The following ROBO2 variants were observed in gnomAD, a reference collection of about 807,000 sequenced individuals.
ROBO2 encodes roundabout guidance receptor 2.
ROBO2 carries 53 observed loss-of-function variants against 160.8 expected under a neutral mutation model. The observed-to-expected ratio is 0.33, with a 90% CI of 0.26 to 0.41. The LOEUF is 0.41. ROBO2 is among the 10% of genes least tolerant of loss of function. The pLI, the probability that ROBO2 is intolerant of heterozygous loss-of-function variation, is 1.00. For synonymous variants in ROBO2, 664 were observed against 611.7 expected (o/e 1.09, Z -1.26); for missense variants, 1,577 against 1,722.4 (o/e 0.92, Z 1.49).
At chr3:76,485,278 A>G (rs370494737) in intron 2 of ROBO2, among the ~76,000 whole-genome samples, 1 of 151,910 alleles carries the variant, frequency 6.6e-6, no homozygotes, top group Non-Finnish European at 1.5e-5. Context: ...ATCATCAGGC[A>G]CTAGATTCTC....
chr3:76,871,474 A>G (rs944237959), intron 2 of ROBO2, among the ~76,000 whole-genome samples: 2 of 149,916 alleles, frequency 1.3e-5, no homozygotes, highest in Non-Finnish European at 3.0e-5. Flanking sequence ...GAATGGCGTG[A>G]ACCCGGGAGG....
At chr3:77,156,176 C>T (rs2077992580) in intron 2 of ROBO2, among the ~76,000 whole-genome samples, 1 of 151,984 alleles carries the variant, frequency 6.6e-6, no homozygotes, top group African/African-American at 2.4e-5. Flanking sequence ...CACCATTCTC[C>T]TTCTCCTTTC....
intron 2 of ROBO2, among the ~76,000 whole-genome samples, chr3:77,207,833 A>G (rs1273300665): frequency 2.0e-5 from 3 of 152,212 alleles, no homozygotes; most frequent in African/African-American, 4.8e-5. Context: ...AGTGAAGTCT[A>G]TTAATGATAT....
intron 2 of ROBO2, among the ~76,000 whole-genome samples, chr3:76,187,953 T>C (rs1464671115): frequency 6.6e-6 from 1 of 152,108 alleles, no homozygotes. Context: ...CCGAATAATA[T>C]GGACACTACA....
At chr3:77,253,382 A>T (rs1472270388) in intron 2 of ROBO2, among the ~76,000 whole-genome samples, 1 of 152,234 alleles carries the variant, frequency 6.6e-6, no homozygotes, top group Non-Finnish European at 1.5e-5. Flanking sequence ...CTAGAGAAAA[A>T]TGACTTCTCA....
intron 2 of ROBO2, among the ~76,000 whole-genome samples, chr3:76,451,489 A>G (rs1559968587): frequency 6.6e-6 from 1 of 152,184 alleles, no homozygotes. Context: ...TTATTACTAT[A>G]GAAGATTTCT....
At chr3:76,680,695 TG>T (rs1457181238) in intron 2 of ROBO2, among the ~76,000 whole-genome samples, 6 of 152,136 alleles carry the variant, frequency 3.9e-5, no homozygotes, top group Admixed American at 3.9e-4. Context: ...TTAGAAATAT[TG>T]TTGTCAAATA....
At chr3:76,814,487 A>G (rs910533303) in intron 2 of ROBO2, among the ~76,000 whole-genome samples, 1 of 152,150 alleles carries the variant, frequency 6.6e-6, no homozygotes, top group Non-Finnish European at 1.5e-5. Context: ...AATTTCTGTG[A>G]TAAGTTAAAA....
At chr3:76,802,478 C>T (rs2064284052) in intron 2 of ROBO2, among the ~76,000 whole-genome samples, 1 of 151,840 alleles carries the variant, frequency 6.6e-6, no homozygotes, top group African/African-American at 2.4e-5. Context: ...CCTGTGATCC[C>T]AGCACTTTGG....
At chr3:76,328,715 C>G (rs1029036537) in intron 2 of ROBO2, among the ~76,000 whole-genome samples, 5 of 151,800 alleles carry the variant, frequency 3.3e-5, no homozygotes, top group Non-Finnish European at 7.4e-5. Context: ...AAAAAATTAG[C>G]TGGGCGTGGT....
intron 1 of ROBO2, among the ~76,000 whole-genome samples, chr3:77,083,560 C>T (rs1020108510): frequency 7.2e-5 from 11 of 151,912 alleles, no homozygotes; most frequent in African/African-American, 2.7e-4. Context: ...AAGAGAGAAA[C>T]GATGAGGCAT....
intron 2 of ROBO2, among the ~76,000 whole-genome samples, chr3:77,408,096 CA>C (rs200992126): frequency 1.1e-3 from 154 of 134,064 alleles, no homozygotes; most frequent in South Asian, 2.4e-3. Flanking sequence ...AGAACAAAAA[CA>C]AAAAAAAAAA....
intron 2 of ROBO2, among the ~76,000 whole-genome samples, chr3:76,806,871 G>T (rs1307127782): frequency 6.6e-6 from 1 of 151,858 alleles, no homozygotes; most frequent in South Asian, 2.1e-4. Flanking sequence ...TTCCTTTATT[G>T]TCTTAGTATC....
intron 2 of ROBO2, among the ~76,000 whole-genome samples, chr3:76,367,096 T>C (rs999271117): frequency 3.3e-5 from 5 of 152,178 alleles, no homozygotes; most frequent in Admixed American, 3.3e-4. Flanking sequence ...CCTTTTAATG[T>C]CAAAATAACT....
chr3:76,688,737 T>G lies in ROBO2; in HGVS notation c.110-409277T>G, dbSNP rs189183242. 2.8e-3 allele frequency among the ~76,000 whole-genome samples: 425 copies of G among 152,166 alleles called. 2 individuals are homozygous for G. The highest frequency in any genetic ancestry group is 9.4e-3 in the African/African-American group (391 of 41,550). Reference sequence around the variant, plus strand: ...CCTGTGAATGAGCTGTTTCACTCCTTGTAATCATCTTTCTCATTGATTATT... The same window carrying G: ...CCTGTGAATGAGCTGTTTCACTCCTGGTAATCATCTTTCTCATTGATTATT... On this transcript the variant is annotated intron_variant, in intron 2 of 26. Coordinates refer to the ROBO2 transcript ENST00000487694.
chr3:76,911,532 A>G (rs1301884725), intron 2 of ROBO2, among the ~76,000 whole-genome samples: 1 of 152,200 alleles, frequency 6.6e-6, no homozygotes, highest in Non-Finnish European at 1.5e-5. Context: ...AATAGGCTAG[A>G]TGAGGACAAC....
chr3:77,548,053 G>T (rs2092769711), intron 7 of ROBO2, among the ~76,000 whole-genome samples: 1 of 147,566 alleles, frequency 6.8e-6, no homozygotes, highest in Non-Finnish European at 1.5e-5. Context: ...ACAGAGACAT[G>T]CACACATATA....
chr3:76,272,848 T>TATATATG lies in ROBO2; in HGVS notation c.109+335252_109+335253insGATATAT, dbSNP rs1707586662. Among the ~76,000 whole-genome samples the TATATATG allele has an allele frequency of 9.2e-5, 4 of 43,582 alleles. No homozygotes were observed. The Admixed American group carries it at 1.6e-3, about 18-fold the overall frequency. 28.6% of individuals were successfully genotyped at this position (43,582 alleles called of 152,430 possible). ...TATATAAAATATATATATTATATAT[T>TATATATG]ATATATAAAATATATAAAATATATA... On this transcript the variant is annotated intron_variant, in intron 2 of 26. Transcript: ENST00000487694.
intron 2 of ROBO2, among the ~76,000 whole-genome samples, chr3:77,426,475 A>C (rs2078215454): frequency 6.6e-6 from 1 of 152,090 alleles, no homozygotes; most frequent in African/African-American, 2.4e-5. Flanking sequence ...GTAACAGATA[A>C]GGATTTGAAT....
Sources: allele counts gnomAD v4.1 joint callset (sites outside exome capture counted in the v4.1 genomes callset), GRCh38; gene constraint gnomAD v4.1.1; transcripts MANE v1.5; gene names NCBI Gene and HGNC (gene_info 2026-07-23, HGNC 2026-07-21).